The following EPHB2 variants were observed in gnomAD, a reference collection of about 807,000 sequenced individuals.
EPHB2 encodes the protein EPH receptor B2, also known as ephrin type-B receptor 2.
A neutral mutation model predicts 96.4 loss-of-function variants in EPHB2; 18 were observed. That is an observed-to-expected ratio of 0.19 (90% CI 0.13 to 0.28). The LOEUF (loss-of-function observed/expected upper bound fraction) is 0.28. EPHB2 is among the 10% of genes least tolerant of loss of function. The pLI, the probability that EPHB2 is intolerant of heterozygous loss-of-function variation, is 1.00. For missense variants in EPHB2, 989 were observed against 1,355.4 expected (o/e 0.73, Z 4.25); for synonymous variants, 506 against 534.1 (o/e 0.95, Z 0.72).
At chr1:22,871,375 C>G (rs543287315) in intron 5 of EPHB2, among the ~76,000 whole-genome samples, 2 of 152,266 alleles carry the variant, frequency 1.3e-5, no homozygotes, top group Admixed American at 1.3e-4. Flanking sequence ...TTAGGAAGCT[C>G]TACCATCAGC....
At chr1:22,755,552 G>C (rs925359049) in intron 1 of EPHB2, among the ~76,000 whole-genome samples, 3 of 152,142 alleles carry the variant, frequency 2.0e-5, no homozygotes, top group Admixed American at 6.5e-5. Context: ...CAAATGGTGA[G>C]GACAGAGAGG....
intron 3 of EPHB2, among the ~76,000 whole-genome samples, chr1:22,849,518 G>A (rs984447182): frequency 3.9e-5 from 6 of 152,198 alleles, no homozygotes; most frequent in African/African-American, 1.4e-4. Flanking sequence ...ATTTCAGAAT[G>A]TTCTCTCAGA....
At chr1:22,879,493 C>T (rs1344597186) in intron 5 of EPHB2, among the ~76,000 whole-genome samples, 6 of 152,284 alleles carry the variant, frequency 3.9e-5, no homozygotes, top group Admixed American at 2.6e-4. Context: ...GGCAGTTCCA[C>T]GGGGAGGGAT....
chr1:22,729,061 C>T (rs1643647188), intron 1 of EPHB2, among the ~76,000 whole-genome samples: 1 of 152,366 alleles, frequency 6.6e-6, no homozygotes, highest in Admixed American at 6.5e-5. Flanking sequence ...TGATAATCTG[C>T]TCACTCGGGG....
intron 3 of EPHB2, among the ~76,000 whole-genome samples, chr1:22,802,959 A>T (rs901599430): frequency 6.6e-6 from 1 of 152,066 alleles, no homozygotes; most frequent in African/African-American, 2.4e-5. Context: ...GTGTGCATGG[A>T]GCAGTAAGGA....
chr1:22,770,193 G>T (rs1234016255), intron 1 of EPHB2, among the ~76,000 whole-genome samples: 1 of 152,126 alleles, frequency 6.6e-6, no homozygotes, highest in Non-Finnish European at 1.5e-5. Flanking sequence ...GTGCGGATGG[G>T]TAAATAGGTA....
intron 3 of EPHB2, among the ~76,000 whole-genome samples, chr1:22,816,275 GC>G (rs1645074105): frequency 6.6e-6 from 1 of 152,148 alleles, no homozygotes; most frequent in Admixed American, 6.5e-5. Flanking sequence ...CTGAGCCCCA[GC>G]CCTGCTGTGT....
At chr1:22,868,113 C>T (rs1256351990) in intron 5 of EPHB2, among the ~76,000 whole-genome samples, 1 of 152,134 alleles carries the variant, frequency 6.6e-6, no homozygotes, top group East Asian at 1.9e-4. Flanking sequence ...GGTGGAACTG[C>T]CTACTCAAGA....
chr1:22,796,637 G>A (rs1336505640), intron 3 of EPHB2, among the ~76,000 whole-genome samples: 1 of 152,246 alleles, frequency 6.6e-6, no homozygotes, highest in Non-Finnish European at 1.5e-5. Context: ...GGCCCAAGAA[G>A]TTAGATGAAA....
At chr1:22,745,151 T>G (rs1643954511) in intron 1 of EPHB2, among the ~76,000 whole-genome samples, 1 of 152,180 alleles carries the variant, frequency 6.6e-6, no homozygotes, top group South Asian at 2.1e-4. Context: ...TCACAGCAGC[T>G]TTGCCTGTCA....
intron 1 of EPHB2, among the ~76,000 whole-genome samples, chr1:22,712,889 A>C (rs938005230): frequency 6.6e-6 from 1 of 152,196 alleles, no homozygotes; most frequent in Admixed American, 6.5e-5. Flanking sequence ...TTTAGGTTGC[A>C]GTCAGCGGTG....
chr1:22,899,825 T>C (rs1639691479), intron 9 of EPHB2, among the ~76,000 whole-genome samples: 1 of 151,880 alleles, frequency 6.6e-6, no homozygotes, highest in Non-Finnish European at 1.5e-5. Flanking sequence ...AAACCCCATA[T>C]CTACAAAAAA....
chr1:22,766,753 G>A (rs543509037), intron 1 of EPHB2, among the ~76,000 whole-genome samples: 2 of 152,290 alleles, frequency 1.3e-5, no homozygotes, highest in East Asian at 1.9e-4. Context: ...TTGAGGTTCC[G>A]GGTCCAATTT....
At position 22,896,470 on chromosome 1, in the gene EPHB2, G is replaced by T; in HGVS notation, c.1757G>T (p.Ser586Ile). The change falls in exon 9 of 16, where the codon AGT becomes ATT. Residue 586 changes from serine (S) to isoleucine (I), a missense_variant. By Grantham distance (142) the Ser-to-Ile change is moderately radical. Coordinates refer to ENST00000374630, the MANE Select transcript of EPHB2 (RefSeq NM_017449.5). ...ACGGACAAGCTGCAACACTACACCAGTGGCCACAGTATGTACACACCCAAG... is the reference window on the plus strand; with the variant it reads ...ACGGACAAGCTGCAACACTACACCATTGGCCACAGTATGTACACACCCAAG... ...EYTDKLQHYT[S>I]GHMTPGMKIY... 6.2e-7 allele frequency: 1 copy of T among 1,614,184 alleles called. No homozygotes were observed. Among genetic ancestry groups the T allele is most frequent in the Non-Finnish European group, 8.5e-7 (1 of 1,180,034 alleles).
intron 3 of EPHB2, among the ~76,000 whole-genome samples, chr1:22,844,170 G>T (rs1000608933): frequency 6.6e-6 from 1 of 152,148 alleles, no homozygotes; most frequent in East Asian, 1.9e-4. Context: ...CCTAATATTC[G>T]GATTGTTGGG....
At chr1:22,836,194 C>T (rs1645381362) in intron 3 of EPHB2, among the ~76,000 whole-genome samples, 1 of 152,136 alleles carries the variant, frequency 6.6e-6, no homozygotes, top group Non-Finnish European at 1.5e-5. Context: ...GCCTTCTGAT[C>T]GTCTACACTC....
chr1:22,829,257 G>A (rs1645268352), intron 3 of EPHB2, among the ~76,000 whole-genome samples: 1 of 152,260 alleles, frequency 6.6e-6, no homozygotes, highest in South Asian at 2.1e-4. Flanking sequence ...GAAGGTGGGA[G>A]CAGTTGCCTG....
chr1:22,868,372 C>T (rs1005056691), intron 5 of EPHB2, among the ~76,000 whole-genome samples: 1 of 152,064 alleles, frequency 6.6e-6, no homozygotes, highest in Non-Finnish European at 1.5e-5. Context: ...AGCAAATGAA[C>T]GGCATTCATT....
At chr1:22,866,011 A>C (rs892546836) in intron 5 of EPHB2, among the ~76,000 whole-genome samples, 1 of 148,630 alleles carries the variant, frequency 6.7e-6, no homozygotes, top group Admixed American at 6.7e-5. Flanking sequence ...TCTAGTCCCC[A>C]CTCCACTTGG....
Sources: gnomAD v4.1 joint callset for allele counts (sites outside exome capture counted in the v4.1 genomes callset) on GRCh38, gnomAD v4.1.1 for gene constraint, MANE v1.5 for transcripts, NCBI Gene and HGNC (gene_info 2026-07-23, HGNC 2026-07-21) for gene names.